Variants in FRMD4A observed in about 807,000 individuals in gnomAD.
FRMD4A encodes FERM domain-containing protein 4A.
In FRMD4A, 29 loss-of-function variants were observed where a neutral mutation model predicts 129.1. The ratio of observed to expected loss-of-function variants is 0.22; its 90% confidence interval spans 0.17 to 0.31. FRMD4A has a LOEUF of 0.31. Ranked by LOEUF, FRMD4A falls within the 10% of genes least tolerant of loss-of-function variation. The probability of loss-of-function intolerance (pLI) is 1.00; values close to 1 mark genes in which losing one functional copy is unlikely to be tolerated. For missense variants in FRMD4A, 1,272 were observed against 1,375.8 expected, an observed-to-expected ratio of 0.92 and a Z score of 1.19; for synonymous variants, 634 against 571.6, an observed-to-expected ratio of 1.11 and a Z score of -1.56.
intron 7 of FRMD4A, 135 bp downstream of exon 7, chr10:13,762,489 A>G: frequency 3.2e-6 from 2 of 623,268 alleles, no homozygotes; most frequent in Admixed American, 2.9e-5. Flanking sequence ...TAATAGCTCT[A>G]TGCAGCTTGT....
chr10:13,696,837 T>A (rs948379679), intron 14 of FRMD4A, among the ~76,000 whole-genome samples: 1 of 152,188 alleles, frequency 6.6e-6, no homozygotes, highest in Admixed American at 6.5e-5. Context: ...CTCAGATACA[T>A]GTTTGTAAAA....
At chr10:13,662,153 G>C (rs2082684906) in intron 19 of FRMD4A, among the ~76,000 whole-genome samples, 1 of 152,182 alleles carries the variant, frequency 6.6e-6, no homozygotes. Context: ...CTTTCCAGGG[G>C]AGACTGGGAT....
chr10:13,931,200 C>T (rs919372946), intron 2 of FRMD4A, among the ~76,000 whole-genome samples: 8 of 152,090 alleles, frequency 5.3e-5, no homozygotes, highest in Non-Finnish European at 1.0e-4. Context: ...CAATATGTTT[C>T]CAGGAAAGGA....
In FRMD4A at chr10:13,783,276, TA is replaced by T. The variant is rs750054784; in HGVS notation, c.300-271del. Among the ~76,000 whole-genome samples the T allele has an allele frequency of 4.6e-3, 705 of 152,388 alleles. 3 individuals are homozygous for T. Among genetic ancestry groups the T allele is most frequent in the Middle Eastern group, 0.02 (6 of 294 alleles). ...AATTTGTAAGAACAAATTCTAAAAC[TA>T]GGCCTCTGATTTCTTTGTCCTATCT... On this transcript the variant is annotated intron_variant, in intron 5 of 24. Coordinates refer to ENST00000357447, the MANE Select transcript of FRMD4A (RefSeq NM_018027.5).
At chr10:13,845,223 A>G (rs1389008339) in intron 3 of FRMD4A, among the ~76,000 whole-genome samples, 1 of 152,196 alleles carries the variant, frequency 6.6e-6, no homozygotes, top group Non-Finnish European at 1.5e-5. Context: ...GTATGAACAC[A>G]TGTGCATATA....
chr10:14,015,607 G>A (rs148425153), intron 2 of FRMD4A, among the ~76,000 whole-genome samples: 7 of 152,200 alleles, frequency 4.6e-5, no homozygotes, highest in East Asian at 3.9e-4. Context: ...TCAACTCCTC[G>A]CTTCTGCCAT....
intron 2 of FRMD4A, among the ~76,000 whole-genome samples, chr10:14,087,824 T>C (rs1836380296): frequency 6.6e-6 from 1 of 152,176 alleles, no homozygotes; most frequent in South Asian, 2.1e-4. Context: ...CAATCAGTAA[T>C]TAATCTAAAC....
intron 6 of FRMD4A, among the ~76,000 whole-genome samples, chr10:13,781,227 C>A (rs1413406071): frequency 6.9e-6 from 1 of 145,506 alleles, no homozygotes; most frequent in Non-Finnish European, 1.5e-5. Flanking sequence ...TCACTTGAAC[C>A]CAGAAGGTGG....
intron 2 of FRMD4A, among the ~76,000 whole-genome samples, chr10:14,282,424 A>G (rs781222530): frequency 1.2e-4 from 18 of 152,332 alleles, no homozygotes; most frequent in Non-Finnish European, 2.4e-4. Context: ...AAGGCTTAAT[A>G]GTCTCCAGGC....
rs1397467182 is a variant in FRMD4A, at chr10:14,075,374, A to G, written c.46-216462T>C. ...ACAACCATGTTTAACTGTTAGAACA[A>G]CATGATGTGTGTGTGGTTTATTATT... On this transcript the variant is annotated intron_variant, in intron 2 of 24. Transcript: ENST00000357447. 2.6e-5 allele frequency among the ~76,000 whole-genome samples: 4 copies of G among 152,220 alleles called. No individual in the cohort carries two copies. In the South Asian group the frequency reaches 8.3e-4, roughly 32 times the overall value.
At chr10:14,185,700 A>G (rs532404620) in intron 2 of FRMD4A, among the ~76,000 whole-genome samples, 6 of 152,216 alleles carry the variant, frequency 3.9e-5, no homozygotes, top group African/African-American at 1.4e-4. Context: ...GCAGCTCAAC[A>G]GTGGCACCTT....
intron 19 of FRMD4A, among the ~76,000 whole-genome samples, 155 bp downstream of exon 19, chr10:13,663,298 G>T (rs10796108): frequency 0.81 from 122,945 of 151,532 alleles, 49,992 homozygotes; most frequent in East Asian, 0.85. Flanking sequence ...CCCAACCAAA[G>T]AGGTGAATAC....
intron 2 of FRMD4A, among the ~76,000 whole-genome samples, chr10:14,244,345 G>A (rs1844158833): frequency 6.6e-6 from 1 of 152,154 alleles, no homozygotes; most frequent in African/African-American, 2.4e-5. Flanking sequence ...GGAACCCAGT[G>A]ACTAGCGTCT....
In FRMD4A at chr10:13,658,126, C is replaced by T. The variant is rs1159182608; in HGVS notation, c.2067-604G>A. On this transcript the variant is annotated intron_variant, in intron 21 of 24. Coordinates refer to ENST00000357447, the MANE Select transcript of FRMD4A (RefSeq NM_018027.5). ...CCTGGGCAACAGGGCAAGACCCTGT[C>T]TCTCTTAAAAAAAAAAAAAAAAAAA... 2.5e-5 allele frequency among the ~76,000 whole-genome samples: 3 copies of T among 118,820 alleles called. No homozygotes were observed. The East Asian group carries it at 6.8e-4, about 27-fold the overall frequency. The allele number at this position is 118,820 out of a possible 152,430, so 78.0% of individuals were successfully genotyped here. A position where few individuals can be genotyped will look rare whatever the true frequency, so the allele number is the denominator to read the frequency against.
intron 2 of FRMD4A, among the ~76,000 whole-genome samples, chr10:13,885,196 G>A (rs2094604585): frequency 6.6e-6 from 1 of 152,200 alleles, no homozygotes; most frequent in Non-Finnish European, 1.5e-5. Flanking sequence ...ACCAGCCTGG[G>A]AAACATAGCA....
At chr10:14,114,423 G>A (rs904252110) in intron 2 of FRMD4A, among the ~76,000 whole-genome samples, 2 of 152,136 alleles carry the variant, frequency 1.3e-5, no homozygotes, top group African/African-American at 4.8e-5. Flanking sequence ...TCCATCATTT[G>A]GAAGATGGTT....
At chr10:13,732,005 T>C (rs779490783) in intron 12 of FRMD4A, among the ~76,000 whole-genome samples, 29 of 152,162 alleles carry the variant, frequency 1.9e-4, no homozygotes, top group South Asian at 4.1e-4. Context: ...TGATTTTCGA[T>C]TTTTTGACAA....
chr10:13,958,282 T>TG (rs58434616), intron 2 of FRMD4A, among the ~76,000 whole-genome samples: 1 of 6,926 alleles, frequency 1.4e-4, no homozygotes. Flanking sequence ...ATGACCATTG[T>TG]TTTTTTTTTT....
At chr10:14,045,210 T>A (rs1833937757) in intron 2 of FRMD4A, among the ~76,000 whole-genome samples, 1 of 151,974 alleles carries the variant, frequency 6.6e-6, no homozygotes, top group Non-Finnish European at 1.5e-5. Flanking sequence ...CCTTCTGCCA[T>A]CATGACTTCA....
Sources: allele counts gnomAD v4.1 joint callset (sites outside exome capture counted in the v4.1 genomes callset), GRCh38; gene constraint gnomAD v4.1.1; transcripts MANE v1.5; gene names NCBI Gene and HGNC (gene_info 2026-07-23, HGNC 2026-07-21).